IL1RL2: variants seen among roughly 807,000 people sequenced by gnomAD.
IL1RL2 encodes interleukin 1 receptor like 2.
IL1RL2 carries 68 observed loss-of-function variants against 66.8 expected under a neutral mutation model. The ratio of observed to expected loss-of-function variants is 1.02; its 90% CI spans 0.84 to 1.25. IL1RL2 has a LOEUF of 1.25. Among genes scored for constraint, IL1RL2 ranks in the 50% most tolerant of loss-of-function variants. The pLI is 0.00. For missense variants in IL1RL2, 729 were observed against 709.3 expected (o/e 1.03, Z -0.32); for synonymous variants, 305 against 264.6 (o/e 1.15, Z -1.48).
chr2:102,226,409 A>T (rs2104863069), intron 9 of IL1RL2, among the ~76,000 whole-genome samples: 1 of 152,308 alleles, frequency 6.6e-6, no homozygotes, highest in South Asian at 2.1e-4. Context: ...CACAGTGGGT[A>T]CTTTCTCAGA....
At chr2:102,227,955 G>A (rs1182962183) in intron 9 of IL1RL2, among the ~76,000 whole-genome samples, 2 of 152,110 alleles carry the variant, frequency 1.3e-5, no homozygotes, top group Admixed American at 1.3e-4. Flanking sequence ...GAGAAAACAG[G>A]AATAGTGACT....
chr2:102,196,012 C>A (rs1259170939), intron 4 of IL1RL2, among the ~76,000 whole-genome samples: 1 of 152,048 alleles, frequency 6.6e-6, no homozygotes, highest in Non-Finnish European at 1.5e-5. Flanking sequence ...GCGCATCGGG[C>A]CCTTATGCTT....
Position 102,195,645 on chromosome 2 carries a change from C to CTCTTTCTT in IL1RL2, c.489+3558_489+3565dup, listed in dbSNP as rs1219065291. On this transcript the variant is annotated intron_variant, in intron 4 of 11. Transcript: ENST00000264257. ...TCTTTCTTTCTCTCTCTCTCTCTCT[C>CTCTTTCTT]TCTTTCTTTCTTTCTTTCTTTCTTT... Among the ~76,000 whole-genome samples the CTCTTTCTT allele has an allele frequency of 1.7e-3, 34 of 20,246 alleles. 1 individual carries two copies. Among genetic ancestry groups the CTCTTTCTT allele is most frequent in the African/African-American group, 3.4e-3 (30 of 8,792 alleles). The allele number at this position is 20,246 out of a possible 152,430, so 13.3% of individuals were successfully genotyped here. A position where few individuals can be genotyped will look rare whatever the true frequency, so the allele number is the denominator to read the frequency against.
chr2:102,209,670 G>C (rs1688992931), intron 5 of IL1RL2, among the ~76,000 whole-genome samples: 1 of 152,196 alleles, frequency 6.6e-6, no homozygotes, highest in Non-Finnish European at 1.5e-5. Context: ...CCACTGAAGG[G>C]CCCTGGGACG....
chr2:102,217,422 G>A (rs1045711184), intron 6 of IL1RL2, among the ~76,000 whole-genome samples: 7 of 152,040 alleles, frequency 4.6e-5, no homozygotes, highest in Non-Finnish European at 1.0e-4. Flanking sequence ...CCTAAAATTT[G>A]TATAGGACCA....
At chr2:102,187,815 A>G (rs1686821604) in intron 1 of IL1RL2, 41 bp from the exon 2 acceptor site, 1 of 1,542,926 alleles carries the variant, frequency 6.5e-7, no homozygotes, top group East Asian at 2.2e-5. Flanking sequence ...GGCCCGCCCT[A>G]CTGCGTCCTC....
chr2:102,201,482 A>C, intron 4 of IL1RL2, 74 bp from the exon 5 acceptor site: 1 of 1,409,532 alleles, frequency 7.1e-7, no homozygotes, highest in Non-Finnish European at 1.0e-6. Context: ...TTAGACTGTA[A>C]ATTACCTAAA....
intron 4 of IL1RL2, among the ~76,000 whole-genome samples, chr2:102,198,146 A>G (rs1358547264): frequency 6.6e-6 from 1 of 152,246 alleles, no homozygotes; most frequent in African/African-American, 2.4e-5. Context: ...GCATGAGTAC[A>G]TAATAGGTAC....
intron 5 of IL1RL2, among the ~76,000 whole-genome samples, chr2:102,208,431 A>T (rs577251867): frequency 6.6e-6 from 1 of 152,380 alleles, no homozygotes; most frequent in Admixed American, 6.5e-5. Flanking sequence ...CCAGGCCAGC[A>T]TTGGTTTTTC....
Position 102,218,956 on chromosome 2 carries a change from C to T in IL1RL2, c.728C>T (p.Thr243Ile). ...KNHSIEVQLGTTLIVDCNVTD... is the reference protein window; with the variant it reads ...KNHSIEVQLGITLIVDCNVTD... ...TGATGATATTGGTTTTTTTTAGGTA[C>T]CACTCTGATTGTGGACTGCAATGTA... Residue 243 changes from threonine (T) to isoleucine (I), a missense_variant, in exon 7 of 12, where the codon ACC becomes ATC. Transcript: ENST00000264257. The T allele has an allele frequency of 1.9e-6, 3 of 1,609,752 alleles. No individual in the cohort carries two copies. Among genetic ancestry groups the T allele is most frequent in the Non-Finnish European group, 2.5e-6 (3 of 1,177,696 alleles).
chr2:102,228,989 T>G (rs1174544189), intron 9 of IL1RL2, among the ~76,000 whole-genome samples: 3 of 152,232 alleles, frequency 2.0e-5, no homozygotes, highest in Admixed American at 2.0e-4. Context: ...GCTTTTCTTC[T>G]AGTGTTTTCT....
intron 8 of IL1RL2, among the ~76,000 whole-genome samples, chr2:102,224,829 T>TAC (rs1189443978): frequency 7.2e-5 from 11 of 152,302 alleles, no homozygotes; most frequent in Admixed American, 7.2e-4. Context: ...GTCAAAATAT[T>TAC]ACACATACCC....
intron 9 of IL1RL2, among the ~76,000 whole-genome samples, chr2:102,230,416 A>G (rs34767240): frequency 0.014 from 2,182 of 152,270 alleles, 65 homozygotes; most frequent in African/African-American, 0.049. Context: ...GTTTTTGCCA[A>G]TTCAAGACAC....
intron 5 of IL1RL2, among the ~76,000 whole-genome samples, chr2:102,211,736 T>C (rs1172271448): frequency 6.6e-6 from 1 of 152,214 alleles, no homozygotes; most frequent in Non-Finnish European, 1.5e-5. Context: ...TTACTATTTC[T>C]CTCAAGCTAG....
chr2:102,218,367 G>C (rs1233001658), intron 6 of IL1RL2, among the ~76,000 whole-genome samples: 1 of 152,148 alleles, frequency 6.6e-6, no homozygotes, highest in African/African-American at 2.4e-5. Flanking sequence ...AGTCCACTGA[G>C]ACTATAAATT....
At chr2:102,234,657 C>T (rs1036133329) in intron 10 of IL1RL2, among the ~76,000 whole-genome samples, 6 of 152,020 alleles carry the variant, frequency 3.9e-5, no homozygotes, top group South Asian at 4.1e-4. Context: ...CGTGGTGGTA[C>T]GTGTCTGTAA....
At chr2:102,237,259 C>T (rs1313308361) in intron 11 of IL1RL2, among the ~76,000 whole-genome samples, 1 of 152,196 alleles carries the variant, frequency 6.6e-6, no homozygotes, top group Non-Finnish European at 1.5e-5. Context: ...GTGTATTCCC[C>T]AAATCCTCAC....
At chr2:102,225,427 G>A (rs528421848) in intron 8 of IL1RL2, among the ~76,000 whole-genome samples, 1 of 152,326 alleles carries the variant, frequency 6.6e-6, no homozygotes, top group African/African-American at 2.4e-5. Context: ...AGGATGATGG[G>A]AGTCCAGCTG....
At chr2:102,205,880 T>C (rs1032877234) in intron 5 of IL1RL2, among the ~76,000 whole-genome samples, 5 of 152,202 alleles carry the variant, frequency 3.3e-5, no homozygotes, top group Non-Finnish European at 7.3e-5. Context: ...TTTGCCCTTT[T>C]GAGGCTATCT....
Sources: allele counts gnomAD v4.1 joint callset (sites outside exome capture counted in the v4.1 genomes callset), GRCh38; gene constraint gnomAD v4.1.1; transcripts MANE v1.5; gene names NCBI Gene and HGNC (gene_info 2026-07-23, HGNC 2026-07-21).